The following UPRT variants were observed in gnomAD, a reference collection of about 807,000 sequenced individuals.
The protein encoded by UPRT is uracil phosphoribosyltransferase homolog.
In UPRT, 5 loss-of-function variants were observed where a neutral mutation model predicts 22.6. The observed-to-expected ratio is 0.22, with a 90% CI of 0.12 to 0.47. UPRT has a LOEUF of 0.47. Ranked by LOEUF, UPRT falls within the 20% of genes least tolerant of loss-of-function variation. UPRT has a pLI of 0.99. For synonymous variants in UPRT, 77 were observed against 87.7 expected, an observed-to-expected ratio of 0.88 and a Z score of 0.68; for missense variants, 181 against 239.9, an observed-to-expected ratio of 0.75 and a Z score of 1.62.
chrX:75,186,276 T>C (rs890133614), intron 4 of UPRT, among the ~76,000 whole-genome samples: 11 of 112,036 alleles, frequency 9.8e-5, no homozygotes, highest in Admixed American at 8.5e-4. Flanking sequence ...CATTTCGTTA[T>C]GTACCCAGTA....
chrX:75,180,695 G>GTTTTTTTTTTTTTTTTTTTTTTTTCT (rs2082267251), intron 4 of UPRT, among the ~76,000 whole-genome samples: 2 of 34,659 alleles, frequency 5.8e-5, no homozygotes, highest in Non-Finnish European at 9.1e-5. Flanking sequence ...TTTTTTTTTT[G>GTTTTTTTTTTTTTTTTTTTTTTTTCT]TTTTTTTTTT....
chrX:75,300,067 G>C (rs774884791), intron 5 of UPRT, among the ~76,000 whole-genome samples, 171 bp downstream of exon 5: 18 of 112,443 alleles, frequency 1.6e-4, no homozygotes, highest in South Asian at 1.5e-3. Context: ...CATAATAAGA[G>C]AATATACAGT....
At chrX:75,193,778 T>C (rs908747475) in intron 4 of UPRT, among the ~76,000 whole-genome samples, 54 of 111,691 alleles carry the variant, frequency 4.8e-4, no homozygotes, top group African/African-American at 1.8e-3. Flanking sequence ...ATGAAATTCT[T>C]GTAGTGTGTT....
At chrX:75,296,508 A>G (rs2082726290) in intron 3 of UPRT, 97 bp downstream of exon 3, 1 of 712,254 alleles carries the variant, frequency 1.4e-6, no homozygotes, top group South Asian at 2.7e-5. Flanking sequence ...ATAAATATGC[A>G]AAATGAAGGG....
chrX:75,294,034 T>C (rs1227174147), intron 2 of UPRT, among the ~76,000 whole-genome samples: 1 of 110,690 alleles, frequency 9.0e-6, no homozygotes, highest in Non-Finnish European at 1.9e-5. Context: ...TTGACCAAGC[T>C]CAATTCTGTT....
At chrX:75,227,211 T>C (rs2082426009) in intron 4 of UPRT, among the ~76,000 whole-genome samples, 1 of 111,345 alleles carries the variant, frequency 9.0e-6, no homozygotes. Flanking sequence ...AACAAACTGG[T>C]GGTTTTCTAA....
chrX:75,280,735 T>C (rs867676130), intron 1 of UPRT, among the ~76,000 whole-genome samples: 47 of 111,581 alleles, frequency 4.2e-4, no homozygotes, highest in African/African-American at 1.5e-3. Context: ...TTCTGCTTAG[T>C]CTTGCTTTGG....
rs375964343 is a variant in UPRT, at chrX:75,249,097, G to A, written c.-446-41927G>A. ...AGAGGAACAACCAGTACCAGCCACTGCAAAAACATGCCAAATGGTAAAGAC... is the reference window on the plus strand; with the variant it reads ...AGAGGAACAACCAGTACCAGCCACTACAAAAACATGCCAAATGGTAAAGAC... On this transcript the variant is annotated intron_variant, in intron 4 of 13. Coordinates refer to the UPRT transcript ENST00000652605. Among the ~76,000 whole-genome samples, 940 of 111,578 alleles carry A rather than the reference G, an allele frequency of 8.4e-3. 12 individuals are homozygous for A. Among genetic ancestry groups the A allele is most frequent in the African/African-American group, 0.028 (863 of 30,698 alleles).
intron 1 of UPRT, among the ~76,000 whole-genome samples, chrX:75,291,896 A>G (rs1032385783): frequency 7.1e-4 from 79 of 111,403 alleles, no homozygotes; most frequent in African/African-American, 2.4e-3. Flanking sequence ...CTTATTGTGC[A>G]AAAGTTATCA....
At chrX:75,264,747 T>C (rs1465491590) in intron 4 of UPRT, among the ~76,000 whole-genome samples, 1 of 111,746 alleles carries the variant, frequency 8.9e-6, no homozygotes, top group Non-Finnish European at 1.9e-5. Context: ...GTTAGCTGGT[T>C]ATTCTGCTCG....
chrX:75,285,921 A>G (rs2082677961), intron 1 of UPRT, among the ~76,000 whole-genome samples: 2 of 110,695 alleles, frequency 1.8e-5, no homozygotes, highest in Non-Finnish European at 3.8e-5. Context: ...TGTTTTTGTG[A>G]AGGTAAAGGA....
At chrX:75,268,640 A>C (rs1454721535) in intron 4 of UPRT, among the ~76,000 whole-genome samples, 3 of 112,150 alleles carry the variant, frequency 2.7e-5, no homozygotes, top group African/African-American at 9.7e-5. Context: ...TCAGATAAAC[A>C]GAACCAATGA....
At position 75,224,438 on chromosome X, in the gene UPRT, C is replaced by A. The variant is rs184567854; in HGVS notation, c.-447+56559C>A. ...TTTTTTTTTTTAGAATAAATTATTT[C>A]AGTGACCTCTATCTCCCTTCCCTCC... On this transcript the variant is annotated intron_variant, in intron 4 of 13. Transcript: ENST00000652605. Among the ~76,000 whole-genome samples, 775 of 109,887 alleles carry A rather than the reference C, an allele frequency of 7.1e-3. 2 individuals carry two copies. The highest frequency in any genetic ancestry group is 0.028 in the South Asian group (71 of 2,554).
intron 1 of UPRT, among the ~76,000 whole-genome samples, chrX:75,284,702 A>G (rs990605955): frequency 2.8e-5 from 3 of 107,353 alleles, no homozygotes; most frequent in African/African-American, 1.0e-4. Context: ...TGGAGGTGGC[A>G]GGGGGGGGTG....
chrX:75,183,130 A>G (rs1474959913), intron 4 of UPRT, among the ~76,000 whole-genome samples: 2 of 110,627 alleles, frequency 1.8e-5, no homozygotes, highest in African/African-American at 3.3e-5. Flanking sequence ...CCATTAACTC[A>G]TCATTTACAT....
intron 4 of UPRT, among the ~76,000 whole-genome samples, chrX:75,256,717 A>G (rs2082550897): frequency 8.9e-6 from 1 of 112,102 alleles, no homozygotes; most frequent in Non-Finnish European, 1.9e-5. Context: ...AATATAAAAG[A>G]TCATTCAAGG....
upstream of UPRT, among the ~76,000 whole-genome samples, chrX:75,273,330 TA>T (rs1419163020): frequency 0.017 from 1,678 of 96,186 alleles, 23 homozygotes; most frequent in African/African-American, 0.054. Flanking sequence ...ACTTAAAAGT[TA>T]AAAAAAAAAA....
At chrX:75,273,683 A>G (rs1473187782), upstream of UPRT, among the ~76,000 whole-genome samples, 1 of 112,062 alleles carries the variant, frequency 8.9e-6, no homozygotes, top group Non-Finnish European at 1.9e-5. Context: ...CTAGTAGAGG[A>G]CAGCCTCTTC....
At chrX:75,205,383 C>CAA (rs55819232) in intron 4 of UPRT, among the ~76,000 whole-genome samples, 63 of 38,176 alleles carry the variant, frequency 1.7e-3, no homozygotes, top group South Asian at 4.3e-3. Flanking sequence ...GACTCCGTCT[C>CAA]AAAAAAAAAA....
Sources: allele counts gnomAD v4.1 joint callset (sites outside exome capture counted in the v4.1 genomes callset), GRCh38; gene constraint gnomAD v4.1.1; transcripts MANE v1.5; gene names NCBI Gene and HGNC (gene_info 2026-07-23, HGNC 2026-07-21).